TAFA2: variants seen among roughly 807,000 people sequenced by gnomAD.
The protein encoded by TAFA2 is TAFA chemokine like family member 2, also known as chemokine-like protein TAFA-2.
Under a neutral mutation model 18.8 loss-of-function variants are expected in TAFA2, and 7 were observed. The ratio of observed to expected loss-of-function variants is 0.37; its 90% CI spans 0.21 to 0.70. The LOEUF (loss-of-function observed/expected upper bound fraction) is 0.70, where lower values mean the gene tolerates loss of function less well. Among genes scored for constraint, TAFA2 ranks in the 30% least tolerant of loss-of-function variants. The probability of loss-of-function intolerance (pLI) is 0.53; values close to 1 mark genes in which losing one functional copy is unlikely to be tolerated. For missense variants in TAFA2, 122 were observed against 158.1 expected, an observed-to-expected ratio of 0.77 and a Z score of 1.23; for synonymous variants, 60 against 54.2, an observed-to-expected ratio of 1.11 and a Z score of -0.47.
intron 1 of TAFA2, among the ~76,000 whole-genome samples, chr12:62,187,446 C>G (rs147553736): frequency 6.6e-6 from 1 of 152,126 alleles, no homozygotes; most frequent in Non-Finnish European, 1.5e-5. Flanking sequence ...TCTGATCACC[C>G]TGTTACGTAA....
chr12:62,096,222 T>C (rs752412466), intron 1 of TAFA2, among the ~76,000 whole-genome samples: 55 of 152,132 alleles, frequency 3.6e-4, no homozygotes, highest in Admixed American at 5.9e-4. Flanking sequence ...GGGATTCCTG[T>C]CTTGGTGCCA....
At chr12:61,948,098 C>A (rs1454885172) in intron 1 of TAFA2, among the ~76,000 whole-genome samples, 2 of 152,118 alleles carry the variant, frequency 1.3e-5, no homozygotes, top group Non-Finnish European at 2.9e-5. Flanking sequence ...TTCATTTAAT[C>A]TACACAAGAA....
intron 1 of TAFA2, among the ~76,000 whole-genome samples, chr12:61,945,671 CAG>C (rs1878236755): frequency 7.5e-6 from 1 of 132,826 alleles, no homozygotes; most frequent in Non-Finnish European, 1.6e-5. Context: ...AACAGACAAA[CAG>C]AGAGCCAAAT....
chr12:62,076,205 A>G (rs1868247748), intron 1 of TAFA2, among the ~76,000 whole-genome samples: 1 of 152,168 alleles, frequency 6.6e-6, no homozygotes, highest in Non-Finnish European at 1.5e-5. Flanking sequence ...TTTATATTTG[A>G]GCATGTCTGG....
intron 1 of TAFA2, among the ~76,000 whole-genome samples, chr12:61,919,320 T>G (rs1394254878): frequency 6.6e-6 from 1 of 152,166 alleles, no homozygotes; most frequent in East Asian, 1.9e-4. Flanking sequence ...CCCTGGCCAC[T>G]ACCCCCTGCA....
intron 1 of TAFA2, among the ~76,000 whole-genome samples, chr12:62,093,931 G>A (rs746067409): frequency 1.5e-4 from 23 of 152,018 alleles, no homozygotes; most frequent in Middle Eastern, 3.2e-3. Context: ...CTGCTCTGAA[G>A]GCAAGTCCCA....
intron 4 of TAFA2, among the ~76,000 whole-genome samples, chr12:61,753,082 T>C (rs1869095165): frequency 6.6e-6 from 1 of 151,964 alleles, no homozygotes; most frequent in Non-Finnish European, 1.5e-5. Context: ...ATTCTTTTTG[T>C]ATTGATCTTG....
chr12:61,832,232 C>G (rs1416120041), intron 2 of TAFA2, among the ~76,000 whole-genome samples: 1 of 152,046 alleles, frequency 6.6e-6, no homozygotes, highest in African/African-American at 2.4e-5. Context: ...TAGACTAAAT[C>G]AGGAACGGCC....
intron 1 of TAFA2, among the ~76,000 whole-genome samples, chr12:61,913,225 A>G (rs1362961361): frequency 6.6e-6 from 1 of 152,182 alleles, no homozygotes; most frequent in Non-Finnish European, 1.5e-5. Flanking sequence ...AAGAAAAAAG[A>G]ATACAGAGGG....
At chr12:62,050,933 C>T (rs544223769) in intron 1 of TAFA2, among the ~76,000 whole-genome samples, 1 of 152,242 alleles carries the variant, frequency 6.6e-6, no homozygotes, top group Admixed American at 6.5e-5. Flanking sequence ...TCTAAGCATC[C>T]TTTTCATCAG....
intron 1 of TAFA2, among the ~76,000 whole-genome samples, chr12:61,905,290 TG>T (rs1876296087): frequency 6.6e-6 from 1 of 152,264 alleles, no homozygotes; most frequent in African/African-American, 2.4e-5. Context: ...GCCCTCTAAT[TG>T]TGCTAATTAT....
intron 2 of TAFA2, among the ~76,000 whole-genome samples, chr12:61,863,659 G>C (rs1346416580): frequency 9.2e-5 from 14 of 152,184 alleles, no homozygotes; most frequent in Admixed American, 9.2e-4. Flanking sequence ...AGGTGGATCT[G>C]AGGGCTGTGA....
At chr12:62,155,373 C>A (rs750777231) in intron 1 of TAFA2, among the ~76,000 whole-genome samples, 2 of 152,064 alleles carry the variant, frequency 1.3e-5, no homozygotes, top group Non-Finnish European at 2.9e-5. Flanking sequence ...GCCATACTAA[C>A]AAAAGCAATC....
intron 4 of TAFA2, among the ~76,000 whole-genome samples, chr12:61,731,274 A>G (rs117239945): frequency 1.4e-4 from 22 of 152,170 alleles, no homozygotes; most frequent in Non-Finnish European, 2.8e-4. Context: ...TGTCTGTCTT[A>G]TGGAGTTTAC....
intron 1 of TAFA2, chr12:62,207,100 T>C (rs1247517551): frequency 6.6e-6 from 1 of 152,196 alleles, no homozygotes; most frequent in African/African-American, 2.4e-5. Context: ...TAATTATTTT[T>C]CCTATGTGTT....
chr12:62,174,709 C>A (rs1430526208), intron 1 of TAFA2, among the ~76,000 whole-genome samples: 1 of 152,196 alleles, frequency 6.6e-6, no homozygotes, highest in African/African-American at 2.4e-5. Flanking sequence ...TGAACACTCC[C>A]AGTGTTAAAA....
chr12:61,851,945 C>T (rs1198986873), intron 2 of TAFA2, among the ~76,000 whole-genome samples: 5 of 151,744 alleles, frequency 3.3e-5, no homozygotes, highest in African/African-American at 1.2e-4. Flanking sequence ...CGGTGGCTCA[C>T]GCCTGTAATC....
intron 1 of TAFA2, among the ~76,000 whole-genome samples, chr12:62,073,034 A>G (rs1235360999): frequency 6.6e-6 from 1 of 152,258 alleles, no homozygotes; most frequent in Non-Finnish European, 1.5e-5. Flanking sequence ...CTTCCAACTG[A>G]GCAGCACAGA....
chr12:62,136,838 G>A (rs571852168), intron 1 of TAFA2, among the ~76,000 whole-genome samples: 2 of 152,282 alleles, frequency 1.3e-5, no homozygotes, highest in South Asian at 4.1e-4. Flanking sequence ...AATTGGTAAT[G>A]TTTGGGGGGA....
Sources: allele counts gnomAD v4.1 joint callset (sites outside exome capture counted in the v4.1 genomes callset), GRCh38; gene constraint gnomAD v4.1.1; transcripts MANE v1.5; gene names NCBI Gene and HGNC (gene_info 2026-07-23, HGNC 2026-07-21).